Variants in KCNQ1 observed in about 807,000 individuals in gnomAD.
The protein encoded by KCNQ1 is potassium voltage-gated channel subfamily Q member 1, also known as potassium voltage-gated channel subfamily KQT member 1.
A neutral mutation model predicts 72.4 loss-of-function variants in KCNQ1; 49 were observed. The observed-to-expected ratio is 0.68, with a 90% CI of 0.54 to 0.86. KCNQ1 has a LOEUF of 0.86. Ranked by LOEUF, KCNQ1 falls within the 40% of genes least tolerant of loss-of-function variation. KCNQ1 has a pLI of 0.00. For missense variants in KCNQ1, 790 were observed against 945.1 expected, an observed-to-expected ratio of 0.84 and a Z score of 2.15; for synonymous variants, 450 against 412.6, an observed-to-expected ratio of 1.09 and a Z score of -1.10.
chr11:2,445,919 C>T lies in KCNQ1; in HGVS notation c.386+435C>T, dbSNP rs972251402. Among the ~76,000 whole-genome samples the T allele has an allele frequency of 2.0e-4, 30 of 152,302 alleles. 1 individual carries two copies. Among genetic ancestry groups the T allele is most frequent in the Admixed American group, 1.9e-3 (29 of 15,306 alleles). On this transcript the variant is annotated intron_variant, in intron 1 of 15. Transcript: ENST00000155840. ...CTGATGTCCGGTGCCGCATCTCAGA[C>T]CCCCTGAGGCCCAGGTGGACTCTGG... is the stretch of plus-strand genomic sequence containing the variant.
At position 2,484,794 on chromosome 11, in the gene KCNQ1, C is replaced by T. The variant is rs777330244; in HGVS notation, c.386+39310C>T. On this transcript the variant is annotated intron_variant, in intron 1 of 15. Coordinates refer to ENST00000155840, the MANE Select transcript of KCNQ1 (RefSeq NM_000218.3). This position sits in a 1 kb window ranked among gnomAD's most constrained non-coding sequence, Gnocchi z 5.2. The stretch of plus-strand genomic sequence containing the variant: ...TATGTGTATGGCACCCCCACGTCTA[C>T]GCTTCTGTGTTCATCTGCAGATATA... 2.6e-5 allele frequency among the ~76,000 whole-genome samples: 4 copies of T among 152,336 alleles called. No homozygotes were observed. Among genetic ancestry groups the T allele is most frequent in the Non-Finnish European group, 5.9e-5 (4 of 68,040 alleles).
intron 1 of KCNQ1, among the ~76,000 whole-genome samples, chr11:2,474,795 T>G (rs905857078): frequency 3.3e-4 from 38 of 116,114 alleles, no homozygotes; most frequent in African/African-American, 1.0e-3. Flanking sequence ...CATGGCCAGG[T>G]GGATTAGTGC....
chr11:2,618,996 A>C (rs1589984928), intron 10 of KCNQ1: 1 of 398,238 alleles, frequency 2.5e-6, no homozygotes, highest in South Asian at 1.3e-4. Context: ...TGTGTATAGA[A>C]ATGCAACTAC....
chr11:2,640,627 C>T (rs1333867083), intron 10 of KCNQ1: 17 of 396,684 alleles, frequency 4.3e-5, no homozygotes, highest in Middle Eastern at 6.2e-4. Flanking sequence ...TTACATGCAT[C>T]GAATGTGTAA....
In KCNQ1 at chr11:2,663,250, G is replaced by C; in HGVS notation, c.1514+1169G>C. ...AGCCAGCAGATCACTGGAAAGCAGGGGTGACTAGTCATGGACACCCTGAGA... is the reference window on the plus strand; with the variant it reads ...AGCCAGCAGATCACTGGAAAGCAGGCGTGACTAGTCATGGACACCCTGAGA... On this transcript the variant is annotated intron_variant, in intron 11 of 15. Transcript: ENST00000155840. The surrounding 1 kb of genome is among the most constrained non-coding windows in gnomAD (Gnocchi z 5.2). The C allele has an allele frequency of 2.5e-6, 1 of 398,728 alleles. No homozygotes were observed. The highest frequency in any genetic ancestry group is 4.4e-6 in the Non-Finnish European group (1 of 226,152). The allele number at this position is 398,728 out of a possible 1,614,324, so 24.7% of individuals were successfully genotyped here. A position where few individuals can be genotyped will look rare whatever the true frequency, so the allele number is the denominator to read the frequency against.
chr11:2,797,632 C>T (rs1847165407), intron 15 of KCNQ1, among the ~76,000 whole-genome samples: 1 of 152,136 alleles, frequency 6.6e-6, no homozygotes, highest in Non-Finnish European at 1.5e-5. Context: ...AGGTTCTTTG[C>T]CTTCTCTGTG....
Position 2,668,731 on chromosome 11 carries a change from C to T in KCNQ1, c.1514+6650C>T, listed in dbSNP as rs1850128519. 5 of 398,596 alleles carry T rather than the reference C, an allele frequency of 1.3e-5. No homozygotes were observed. The highest frequency in any genetic ancestry group is 8.8e-5 in the Admixed American group (2 of 22,732). The allele number at this position is 398,596 out of a possible 1,614,324, so 24.7% of individuals were successfully genotyped here. A position where few individuals can be genotyped will look rare whatever the true frequency, so the allele number is the denominator to read the frequency against. On this transcript the variant is annotated intron_variant, in intron 11 of 15. Transcript: ENST00000155840. This position sits in a 1 kb window ranked among gnomAD's most constrained non-coding sequence, Gnocchi z 4.3. Reference sequence around the variant, plus strand: ...TCACAGACACACACATTGCAAATATCGCCTCCCCCTCTGCAGGCTGCCTTC... The same window carrying T: ...TCACAGACACACACATTGCAAATATTGCCTCCCCCTCTGCAGGCTGCCTTC...
At chr11:2,480,619 G>T (rs938736244) in intron 1 of KCNQ1, among the ~76,000 whole-genome samples, 3 of 152,186 alleles carry the variant, frequency 2.0e-5, no homozygotes. Context: ...TGAGATTTGG[G>T]TGGGGACACA....
rs1417139868 is a variant in KCNQ1, at chr11:2,824,471, G to A, written c.1795-23296G>A. On this transcript the variant is annotated intron_variant, in intron 15 of 15. Transcript: ENST00000155840. This position sits in a 1 kb window ranked among gnomAD's most constrained non-coding sequence, Gnocchi z 5.9. ...CAGACAGGAGCAGGGAGGAGGACAC[G>A]CAGGGCCTGAAAGGTTCTGAGGTGT... Among the ~76,000 whole-genome samples the A allele has an allele frequency of 1.3e-5, 2 of 152,176 alleles. No homozygotes were observed. Among genetic ancestry groups the A allele is most frequent in the African/African-American group, 4.8e-5 (2 of 41,430 alleles).
In KCNQ1 at chr11:2,603,729, C is replaced by T. The variant is rs1033973384; in HGVS notation, c.1393+14875C>T. 3.3e-5 allele frequency among the ~76,000 whole-genome samples: 5 copies of T among 152,004 alleles called. No individual in the cohort carries two copies. Among genetic ancestry groups the T allele is most frequent in the Non-Finnish European group, 5.9e-5 (4 of 68,010 alleles). ...TCCCCGAGACAGAGTCTCCCTCTGT[C>T]GCCCAGGCTGGAGTGCAGTGGCGCG... On this transcript the variant is annotated intron_variant, in intron 10 of 15. Coordinates refer to ENST00000155840, the MANE Select transcript of KCNQ1 (RefSeq NM_000218.3). The surrounding 1 kb of genome is among the most constrained non-coding windows in gnomAD (Gnocchi z 4.1).
chr11:2,577,538 G>A (rs1848440933), intron 6 of KCNQ1, among the ~76,000 whole-genome samples: 1 of 152,242 alleles, frequency 6.6e-6, no homozygotes, highest in South Asian at 2.1e-4. Flanking sequence ...GGCTTCGTGA[G>A]TGAGGAGAGG....
chr11:2,665,629 C>T (rs1178327166), intron 11 of KCNQ1: 2 of 397,568 alleles, frequency 5.0e-6, no homozygotes, highest in African/African-American at 2.1e-5. Context: ...CGGCTGTGTC[C>T]TCCTTTGGCT....
At position 2,735,102 on chromosome 11, in the gene KCNQ1, G is replaced by A. The variant is rs564835487; in HGVS notation, c.1515-33742G>A. Among the ~76,000 whole-genome samples, 1 of 152,270 alleles carries A rather than the reference G, an allele frequency of 6.6e-6. No individual in the cohort carries two copies. Among genetic ancestry groups the A allele is most frequent in the African/African-American group, 2.4e-5 (1 of 41,546 alleles). On this transcript the variant is annotated intron_variant, in intron 11 of 15. Coordinates refer to ENST00000155840, the MANE Select transcript of KCNQ1 (RefSeq NM_000218.3). The surrounding 1 kb of genome is among the most constrained non-coding windows in gnomAD (Gnocchi z 7.7). ...GTGCCGTGGCTGTCAGCGCGCATCTGGCTTACATTGAACTCCCCCATAAAA... is the reference window on the plus strand; with the variant it reads ...GTGCCGTGGCTGTCAGCGCGCATCTAGCTTACATTGAACTCCCCCATAAAA...
chr11:2,757,943 T>A (rs1435839114), intron 11 of KCNQ1, among the ~76,000 whole-genome samples: 1 of 100,420 alleles, frequency 1.0e-5, no homozygotes, highest in Non-Finnish European at 1.9e-5. Context: ...AAATATGAAG[T>A]GTACAACTCT....
At chr11:2,476,904 G>A (rs977050962) in intron 1 of KCNQ1, among the ~76,000 whole-genome samples, 14 of 152,284 alleles carry the variant, frequency 9.2e-5, no homozygotes, top group African/African-American at 3.4e-4. Context: ...GGCCAGGCTG[G>A]TATTGAACTC....
chr11:2,523,356 C>T (rs1847426100), intron 1 of KCNQ1, among the ~76,000 whole-genome samples: 1 of 152,076 alleles, frequency 6.6e-6, no homozygotes, highest in Admixed American at 6.6e-5. Context: ...ACCACCCACG[C>T]CCAGTTAATT....
chr11:2,648,738 T>C (rs189596829), intron 10 of KCNQ1: 2 of 398,526 alleles, frequency 5.0e-6, no homozygotes, highest in African/African-American at 2.1e-5. Context: ...GAAGCAGCAG[T>C]TCAAATCTAA....
chr11:2,506,979 G>A (rs1223300010), intron 1 of KCNQ1, among the ~76,000 whole-genome samples: 1 of 152,196 alleles, frequency 6.6e-6, no homozygotes, highest in Non-Finnish European at 1.5e-5. Flanking sequence ...CTGGACTAAT[G>A]TGAATTGTTT....
At chr11:2,533,232 C>T (rs571519450) in intron 2 of KCNQ1, among the ~76,000 whole-genome samples, 1 of 152,224 alleles carries the variant, frequency 6.6e-6, no homozygotes, top group East Asian at 1.9e-4. Context: ...CTAAGGAAAC[C>T]CCAGCGCGGC....
Sources: gnomAD v4.1 joint callset for allele counts (sites outside exome capture counted in the v4.1 genomes callset) on GRCh38, gnomAD v4.1.1 for gene constraint, Gnocchi (gnomAD v3.1) non-coding constraint, MANE v1.5 for transcripts, NCBI Gene and HGNC (gene_info 2026-07-23, HGNC 2026-07-21) for gene names.